Variants in BNC2 observed in about 807,000 individuals in gnomAD.
The protein encoded by BNC2 is zinc finger protein basonuclin-2.
In BNC2, 20 loss-of-function variants were observed where a neutral mutation model predicts 76.3. The ratio of observed to expected loss-of-function variants is 0.26; its 90% CI spans 0.18 to 0.38. BNC2 has a LOEUF of 0.38. Among genes scored for constraint, BNC2 ranks in the 10% least tolerant of loss-of-function variants. BNC2 has a pLI of 1.00. For synonymous variants in BNC2, 582 were observed against 514.8 expected, an observed-to-expected ratio of 1.13 and a Z score of -1.77; for missense variants, 1,382 against 1,399.8, an observed-to-expected ratio of 0.99 and a Z score of 0.20.
At chr9:16,869,674 C>G (rs1334084776) in intron 1 of BNC2, among the ~76,000 whole-genome samples, 6 of 152,208 alleles carry the variant, frequency 3.9e-5, no homozygotes, top group African/African-American at 1.4e-4. Flanking sequence ...AGCCCCATTT[C>G]TAACAAATCA....
intron 1 of BNC2, among the ~76,000 whole-genome samples, chr9:16,864,593 A>G (rs1042121970): frequency 6.6e-6 from 1 of 152,146 alleles, no homozygotes; most frequent in African/African-American, 2.4e-5. Flanking sequence ...TAACTCCTAC[A>G]AAGCTCATTA....
intron 5 of BNC2, among the ~76,000 whole-genome samples, chr9:16,503,655 G>A (rs1822567594): frequency 6.6e-6 from 1 of 152,178 alleles, no homozygotes; most frequent in Admixed American, 6.5e-5. Flanking sequence ...ATCTGGAAGA[G>A]TGGACCTAAA....
intron 3 of BNC2, among the ~76,000 whole-genome samples, chr9:16,686,447 T>C (rs1822981690): frequency 6.6e-6 from 1 of 152,210 alleles, no homozygotes; most frequent in African/African-American, 2.4e-5. Flanking sequence ...GTTTTCTGCT[T>C]TTTAAAAATT....
intron 1 of BNC2, among the ~76,000 whole-genome samples, chr9:16,826,008 T>C (rs1818446130): frequency 6.6e-6 from 1 of 152,174 alleles, no homozygotes; most frequent in Non-Finnish European, 1.5e-5. Context: ...TCCTAATCTT[T>C]ACTGTGTTAG....
At chr9:16,841,498 G>T (rs1376997829) in intron 1 of BNC2, among the ~76,000 whole-genome samples, 1 of 151,756 alleles carries the variant, frequency 6.6e-6, no homozygotes, top group Non-Finnish European at 1.5e-5. Context: ...TGGCTAAACT[G>T]TATGTCCATA....
chr9:16,587,168 G>A lies in BNC2; in HGVS notation c.331-4083C>T, dbSNP rs188988609. Among the ~76,000 whole-genome samples, 99 of 148,868 alleles carry A rather than the reference G, an allele frequency of 6.7e-4. 1 individual carries two copies. In the Middle Eastern group the frequency reaches 0.018, roughly 27 times the overall value. On this transcript the variant is annotated intron_variant, in intron 3 of 6. Transcript: ENST00000380672. ...AGTAAAGTCACAGATCTATAAATCA[G>A]AAACAACTCTCCATTCCACTGACTA...
At chr9:16,709,056 G>A (rs1380967257) in intron 3 of BNC2, among the ~76,000 whole-genome samples, 7 of 152,134 alleles carry the variant, frequency 4.6e-5, no homozygotes, top group Non-Finnish European at 8.8e-5. Flanking sequence ...AGGCAGCTTC[G>A]GCTTCACCGC....
At chr9:16,768,999 C>G (rs1318762314) in intron 1 of BNC2, among the ~76,000 whole-genome samples, 1 of 152,128 alleles carries the variant, frequency 6.6e-6, no homozygotes, top group East Asian at 1.9e-4. Context: ...GCGGAACTTC[C>G]AGGTTTCTGA....
intron 3 of BNC2, among the ~76,000 whole-genome samples, chr9:16,628,265 T>C (rs2133691690): frequency 6.6e-6 from 1 of 152,296 alleles, no homozygotes; most frequent in East Asian, 1.9e-4. Context: ...GTGTCTGCCT[T>C]CTCAGGGCGG....
At chr9:16,667,292 G>T (rs1430661065) in intron 3 of BNC2, among the ~76,000 whole-genome samples, 1 of 152,158 alleles carries the variant, frequency 6.6e-6, no homozygotes, top group Non-Finnish European at 1.5e-5. Flanking sequence ...GTTTATTCAA[G>T]GAGTTTTTCC....
chr9:16,856,272 C>T (rs1046658973), intron 1 of BNC2, among the ~76,000 whole-genome samples: 11 of 94,708 alleles, frequency 1.2e-4, no homozygotes, highest in Non-Finnish European at 2.5e-4. Context: ...CACTCTCTCT[C>T]TCTCTCACAC....
At chr9:16,728,681 A>G (rs562436580) in intron 2 of BNC2, among the ~76,000 whole-genome samples, 1 of 151,948 alleles carries the variant, frequency 6.6e-6, no homozygotes, top group South Asian at 2.1e-4. Context: ...AAACTCCTAA[A>G]TAACGTACAT....
chr9:16,720,006 T>C (rs1824102159), intron 3 of BNC2, among the ~76,000 whole-genome samples: 2 of 152,212 alleles, frequency 1.3e-5, no homozygotes, highest in Admixed American at 6.5e-5. Flanking sequence ...GCAAAATCTC[T>C]CTTCAACTAA....
rs542038873 is a variant in BNC2 at position 16,419,578 on chromosome 9, G to A, written c.2711C>T (p.Ser904Leu). 1.7e-5 allele frequency: 27 copies of A among 1,606,278 alleles called. No homozygotes were observed. The East Asian group carries it at 2.0e-4, about 12-fold the overall frequency. Residue 904 changes from serine to leucine, a missense_variant, in exon 7 of 7, where the codon TCG becomes TTG. Around this residue, in one of 3 missense-constraint regions of BNC2, gnomAD observed 798 missense variants for 775.5 expected, o/e 1.03. Transcript: ENST00000380672. The part of the protein sequence containing the change: ...KELDDMGLDS[S>L]QPSLSKDLRD... ...GAGGTCCTTGCTAAGGGAGGGCTGC[G>A]ACGAGTCCAGGCCCATGTCATCGAG...
intron 2 of BNC2, among the ~76,000 whole-genome samples, chr9:16,735,557 C>T (rs1210770709): frequency 6.6e-6 from 1 of 152,046 alleles, no homozygotes; most frequent in Non-Finnish European, 1.5e-5. Flanking sequence ...AGTGCAGTGC[C>T]GTGATCTCGG....
At chr9:16,569,347 GC>G (rs1819255498) in intron 4 of BNC2, among the ~76,000 whole-genome samples, 1 of 151,842 alleles carries the variant, frequency 6.6e-6, no homozygotes, top group Admixed American at 6.6e-5. Flanking sequence ...TTCCAGTTAA[GC>G]CCCACTGTCC....
chr9:16,791,937 T>TGG (rs1817522473), intron 1 of BNC2, among the ~76,000 whole-genome samples: 2 of 151,970 alleles, frequency 1.3e-5, no homozygotes, highest in African/African-American at 4.8e-5. Flanking sequence ...ACTCCATCTC[T>TGG]ATCAAAATAC....
chr9:16,542,088 C>T (rs952341989), intron 5 of BNC2, among the ~76,000 whole-genome samples: 1 of 152,034 alleles, frequency 6.6e-6, no homozygotes. Flanking sequence ...TAGAAAGCTG[C>T]CTCTGACACT....
rs73423580 is a variant in BNC2, at chr9:16,773,840, C to T, written c.4-35355G>A. Among the ~76,000 whole-genome samples, 47 of 152,258 alleles carry T rather than the reference C, an allele frequency of 3.1e-4. No individual in the cohort carries two copies. In the South Asian group the frequency reaches 3.1e-3, roughly 10 times the overall value. ...TCCCTTTGCGCATTTTCTAACAGTA[C>T]GTCCTTTCTATTTGAATACAAATAA... On this transcript the variant is annotated intron_variant, in intron 1 of 6. Transcript: ENST00000380672.
Sources: allele counts gnomAD v4.1 joint callset (sites outside exome capture counted in the v4.1 genomes callset), GRCh38; gene constraint gnomAD v4.1.1; regional missense constraint gnomAD v4.1.1; transcripts MANE v1.5; gene names NCBI Gene and HGNC (gene_info 2026-07-23, HGNC 2026-07-21).